Variants in LRRTM4 observed in about 807,000 individuals in gnomAD.
The protein encoded by LRRTM4 is leucine-rich repeat transmembrane neuronal protein 4.
LRRTM4 carries 25 observed loss-of-function variants against 47.6 expected under a neutral mutation model. The observed-to-expected ratio is 0.53, with a 90% CI of 0.38 to 0.73. The LOEUF (loss-of-function observed/expected upper bound fraction) is 0.73. LRRTM4 is among the 30% of genes least tolerant of loss of function. The pLI is 0.00. For synonymous variants in LRRTM4, 311 were observed against 269.5 expected, an observed-to-expected ratio of 1.15 and a Z score of -1.51; for missense variants, 638 against 713.4, an observed-to-expected ratio of 0.89 and a Z score of 1.20.
At chr2:77,216,211 C>T (rs185959398) in intron 3 of LRRTM4, among the ~76,000 whole-genome samples, 114 of 152,218 alleles carry the variant, frequency 7.5e-4, no homozygotes, top group African/African-American at 2.6e-3. Flanking sequence ...TACTTGACAC[C>T]ATTGCCAGAA....
intron 3 of LRRTM4, among the ~76,000 whole-genome samples, chr2:77,202,480 C>T (rs981093182): frequency 3.0e-4 from 45 of 152,174 alleles, no homozygotes; most frequent in East Asian, 9.7e-4. Context: ...TAAATGTCCA[C>T]GGCTTTCAGT....
At chr2:76,978,442 T>TA (rs1293944067) in intron 3 of LRRTM4, among the ~76,000 whole-genome samples, 2 of 152,096 alleles carry the variant, frequency 1.3e-5, no homozygotes, top group East Asian at 3.9e-4. Context: ...ATATATTTTT[T>TA]ACAATGTTCT....
At chr2:76,919,835 T>C (rs930237012) in intron 3 of LRRTM4, among the ~76,000 whole-genome samples, 3 of 152,182 alleles carry the variant, frequency 2.0e-5, no homozygotes, top group Non-Finnish European at 4.4e-5. Context: ...AATTAAGTCT[T>C]ACATATGACG....
intron 3 of LRRTM4, among the ~76,000 whole-genome samples, chr2:76,976,230 T>C (rs1433847699): frequency 6.6e-6 from 1 of 151,792 alleles, no homozygotes; most frequent in Non-Finnish European, 1.5e-5. Context: ...TCAAAGAGCC[T>C]TCAGTAATAA....
intron 3 of LRRTM4, among the ~76,000 whole-genome samples, chr2:77,416,780 T>C (rs1342978063): frequency 1.3e-5 from 2 of 152,002 alleles, no homozygotes; most frequent in Non-Finnish European, 2.9e-5. Flanking sequence ...ATAAAGAAGT[T>C]AATAGGGTAA....
At chr2:77,281,125 T>A (rs558774528) in intron 3 of LRRTM4, among the ~76,000 whole-genome samples, 1 of 152,092 alleles carries the variant, frequency 6.6e-6, no homozygotes, top group South Asian at 2.1e-4. Context: ...AAGAGTTTCA[T>A]CTGAAATCAA....
At chr2:76,941,705 T>A (rs1675148638) in intron 3 of LRRTM4, among the ~76,000 whole-genome samples, 1 of 152,204 alleles carries the variant, frequency 6.6e-6, no homozygotes, top group Admixed American at 6.5e-5. Context: ...CTTTATCCAG[T>A]CTAACATTGA....
At chr2:76,903,251 C>G (rs1222676381) in intron 3 of LRRTM4, among the ~76,000 whole-genome samples, 1 of 151,448 alleles carries the variant, frequency 6.6e-6, no homozygotes, top group African/African-American at 2.4e-5. Context: ...AAGTACAAAA[C>G]ATTAGCTGGG....
chr2:77,372,853 A>T (rs888944566), intron 3 of LRRTM4, among the ~76,000 whole-genome samples: 7 of 151,456 alleles, frequency 4.6e-5, no homozygotes, highest in African/African-American at 1.5e-4. Flanking sequence ...TTCAGAGTTC[A>T]GAAGAAAATT....
rs568671038 is a variant in LRRTM4 at position 77,399,167 on chromosome 2, C to CT, written c.1551+119150dup. ...ATAGGGGTCCAGAACAACAGCAGGGCTTTTTTTTTTTTTAATTTTAAAAAA... is the reference window on the plus strand; with the variant it reads ...ATAGGGGTCCAGAACAACAGCAGGGCTTTTTTTTTTTTTTAATTTTAAAAAA... On this transcript the variant is annotated intron_variant, in intron 3 of 3. Coordinates refer to ENST00000409884, the MANE Select transcript of LRRTM4 (RefSeq NM_001134745.3). Among the ~76,000 whole-genome samples the CT allele has an allele frequency of 3.6e-3, 486 of 136,656 alleles. 4 individuals carry two copies. Among genetic ancestry groups the CT allele is most frequent in the East Asian group, 0.017 (80 of 4,682 alleles). 89.7% of individuals were successfully genotyped at this position (136,656 alleles called of 152,430 possible). A position where few individuals can be genotyped will look rare whatever the true frequency, so the allele number is the denominator to read the frequency against.
At chr2:77,297,585 T>C (rs1449742557) in intron 3 of LRRTM4, among the ~76,000 whole-genome samples, 2 of 152,174 alleles carry the variant, frequency 1.3e-5, no homozygotes, top group Non-Finnish European at 2.9e-5. Flanking sequence ...CAGGGATTAA[T>C]TAAGTCTGGG....
chr2:77,128,643 T>C (rs187404548), intron 3 of LRRTM4, among the ~76,000 whole-genome samples: 223 of 152,316 alleles, frequency 1.5e-3, no homozygotes, highest in African/African-American at 4.8e-3. Context: ...AGAAGAATTA[T>C]GCTGATGAGA....
At chr2:77,279,589 A>C in intron 3 of LRRTM4, among the ~76,000 whole-genome samples, 1 of 151,892 alleles carries the variant, frequency 6.6e-6, no homozygotes, top group Non-Finnish European at 1.5e-5. Flanking sequence ...TACATATTGC[A>C]TTAGCTTTTA....
At chr2:77,047,340 A>T (rs1026314935) in intron 3 of LRRTM4, among the ~76,000 whole-genome samples, 1 of 151,972 alleles carries the variant, frequency 6.6e-6, no homozygotes, top group African/African-American at 2.4e-5. Flanking sequence ...TAAAAGTGCA[A>T]TATATTAGTT....
intron 3 of LRRTM4, among the ~76,000 whole-genome samples, chr2:77,194,178 A>C (rs1305128660): frequency 6.6e-6 from 1 of 152,170 alleles, no homozygotes; most frequent in Non-Finnish European, 1.5e-5. Context: ...GTCTAAGAAA[A>C]TATGACTATA....
At chr2:76,960,273 G>A (rs73940213) in intron 3 of LRRTM4, among the ~76,000 whole-genome samples, 31 of 151,720 alleles carry the variant, frequency 2.0e-4, no homozygotes, top group African/African-American at 7.2e-4. Flanking sequence ...TGCTACGAGA[G>A]AGATAACAGT....
At chr2:76,770,049 C>A (rs1007597559) in intron 3 of LRRTM4, among the ~76,000 whole-genome samples, 1 of 152,080 alleles carries the variant, frequency 6.6e-6, no homozygotes, top group African/African-American at 2.4e-5. Flanking sequence ...CATACTGTTG[C>A]TTTTAGAGTG....
intron 3 of LRRTM4, among the ~76,000 whole-genome samples, chr2:77,126,473 A>G (rs1388925736): frequency 1.3e-5 from 2 of 152,076 alleles, no homozygotes; most frequent in African/African-American, 4.8e-5. Flanking sequence ...GATATATTTC[A>G]CCCTGTGCAA....
At chr2:77,160,595 G>T (rs1361471909) in intron 3 of LRRTM4, among the ~76,000 whole-genome samples, 1 of 152,040 alleles carries the variant, frequency 6.6e-6, no homozygotes, top group African/African-American at 2.4e-5. Flanking sequence ...AGATAAAAGG[G>T]TCTCATTGTC....
Sources: gnomAD v4.1 joint callset for allele counts (sites outside exome capture counted in the v4.1 genomes callset) on GRCh38, gnomAD v4.1.1 for gene constraint, MANE v1.5 for transcripts, NCBI Gene and HGNC (gene_info 2026-07-23, HGNC 2026-07-21) for gene names.